CAMSAP2: variants seen among roughly 807,000 people sequenced by gnomAD.
CAMSAP2 encodes calmodulin-regulated spectrin-associated protein 2.
A neutral mutation model predicts 146.1 loss-of-function variants in CAMSAP2; 26 were observed. The ratio of observed to expected loss-of-function variants is 0.18; its 90% CI spans 0.13 to 0.25. The LOEUF (loss-of-function observed/expected upper bound fraction) is 0.25, where lower values mean the gene tolerates loss of function less well. Among genes scored for constraint, CAMSAP2 ranks in the 10% least tolerant of loss-of-function variants. The probability of loss-of-function intolerance (pLI) is 1.00; values close to 1 mark genes in which losing one functional copy is unlikely to be tolerated. For synonymous variants in CAMSAP2, 499 were observed against 596.6 expected (o/e 0.84, Z 2.38); for missense variants, 1,381 against 1,759.3 (o/e 0.78, Z 3.85).
At position 200,815,644 on chromosome 1, in the gene CAMSAP2, G is replaced by A; in HGVS notation, c.645G>A (p.Lys215=). The part of the protein sequence containing the change: ...HHTVEAPGGQ[K]ARYRKEQTLL... ...CAGTTGAAGCTCCAGGAGGTCAAAA[G>A]GTATTTATTTCAAAAACAAAAAGGT... The change falls in exon 4 of 17, where the codon AAG becomes AAA. Residue 215 remains lysine, a splice_region_variant and synonymous_variant. Coordinates refer to ENST00000358823, the MANE Select transcript of CAMSAP2 (RefSeq NM_203459.4). 6.5e-7 allele frequency: 1 copy of A among 1,541,304 alleles called. No homozygotes were observed. The highest frequency in any genetic ancestry group is 1.3e-5 in the South Asian group (1 of 76,798).
Position 200,836,542 on chromosome 1 carries a change from G to A in CAMSAP2, c.927+3697G>A, listed in dbSNP as rs1476448383. The stretch of plus-strand genomic sequence containing the variant: ...TGTCTTGGCTATTGTTAATAGTGCT[G>A]CAGTGAACATACACATGCATGTGTC... On this transcript the variant is annotated intron_variant, in intron 6 of 16. Coordinates refer to ENST00000358823, the MANE Select transcript of CAMSAP2 (RefSeq NM_203459.4). Among the ~76,000 whole-genome samples, 6 of 150,078 alleles carry A rather than the reference G, an allele frequency of 4.0e-5. No homozygotes were observed. The East Asian group carries it at 1.2e-3, about 29-fold the overall frequency.
intron 1 of CAMSAP2, among the ~76,000 whole-genome samples, chr1:200,756,377 C>G (rs1193616194): frequency 6.6e-6 from 1 of 151,738 alleles, no homozygotes; most frequent in Non-Finnish European, 1.5e-5. Flanking sequence ...TGCCCGAACC[C>G]AGGAGGTGGA....
intron 2 of CAMSAP2, among the ~76,000 whole-genome samples, chr1:200,794,791 C>T (rs1665841867): frequency 6.6e-6 from 1 of 152,194 alleles, no homozygotes; most frequent in Non-Finnish European, 1.5e-5. Context: ...ATCTGCATTT[C>T]CACATTGTAG....
chr1:200,742,196 T>C (rs1345604684), intron 1 of CAMSAP2, among the ~76,000 whole-genome samples: 6 of 152,244 alleles, frequency 3.9e-5, no homozygotes, highest in African/African-American at 1.4e-4. Flanking sequence ...CTTATTACTC[T>C]ATACCGTTCT....
intron 3 of CAMSAP2, among the ~76,000 whole-genome samples, chr1:200,810,845 C>T (rs1666310600): frequency 1.3e-5 from 2 of 152,078 alleles, no homozygotes; most frequent in African/African-American, 4.8e-5. Context: ...CTCGAGATTG[C>T]ACCACTGCAC....
intron 2 of CAMSAP2, among the ~76,000 whole-genome samples, chr1:200,788,939 A>G (rs994001436): frequency 6.6e-6 from 1 of 151,962 alleles, no homozygotes; most frequent in African/African-American, 2.4e-5. Flanking sequence ...GTCATGAGCT[A>G]CTGTGCCCGG....
rs1314724113 is a variant in CAMSAP2 at position 200,739,708 on chromosome 1, G to A, written c.-120G>A. On this transcript the variant is annotated 5_prime_UTR_variant, in exon 1 of 17. Transcript: ENST00000358823. This position sits in a 1 kb window ranked among gnomAD's most constrained non-coding sequence, Gnocchi z 4.8. The stretch of plus-strand genomic sequence containing the variant: ...GCTTCTCCTCCGTCGGCGCCCGGGC[G>A]GACATCGCCCGGGCCCCGATGGTTT... The A allele has an allele frequency of 3.1e-6, 3 of 962,356 alleles. No homozygotes were observed. Among genetic ancestry groups the A allele is most frequent in the African/African-American group, 1.7e-5 (1 of 57,876 alleles). 59.6% of individuals were successfully genotyped at this position (962,356 alleles called of 1,614,324 possible).
chr1:200,851,746 C>T (rs1443136979), intron 11 of CAMSAP2, among the ~76,000 whole-genome samples: 1 of 152,108 alleles, frequency 6.6e-6, no homozygotes, highest in Non-Finnish European at 1.5e-5. Flanking sequence ...TAATATCTGA[C>T]ACTATGTTGT....
At chr1:200,856,341 T>C (rs1238079651) in intron 15 of CAMSAP2, among the ~76,000 whole-genome samples, 1 of 152,232 alleles carries the variant, frequency 6.6e-6, no homozygotes, top group East Asian at 1.9e-4. Context: ...ATGCTGGCCA[T>C]TTCTGTGTGT....
At chr1:200,773,579 G>T (rs543949433) in intron 2 of CAMSAP2, among the ~76,000 whole-genome samples, 34 of 152,244 alleles carry the variant, frequency 2.2e-4, no homozygotes, top group Middle Eastern at 6.8e-3. Context: ...AAGATAAAAA[G>T]ATTTCTATGC....
At chr1:200,803,401 A>G (rs369399087) in intron 2 of CAMSAP2, among the ~76,000 whole-genome samples, 3 of 152,226 alleles carry the variant, frequency 2.0e-5, no homozygotes, top group South Asian at 4.1e-4. Context: ...ACAGTATGTG[A>G]CACTTAACAG....
chr1:200,796,881 C>T (rs1398122425), intron 2 of CAMSAP2, among the ~76,000 whole-genome samples: 3 of 150,926 alleles, frequency 2.0e-5, no homozygotes, highest in African/African-American at 7.3e-5. Flanking sequence ...TCCATGTGAT[C>T]TCATTGTTCA....
intron 4 of CAMSAP2, among the ~76,000 whole-genome samples, chr1:200,820,663 C>A (rs969307450): frequency 2.6e-5 from 4 of 152,086 alleles, no homozygotes; most frequent in African/African-American, 9.7e-5. Flanking sequence ...ACTTTTTTCT[C>A]CCTCAAATGC....
intron 2 of CAMSAP2, among the ~76,000 whole-genome samples, chr1:200,762,640 A>G (rs1254285954): frequency 3.3e-5 from 5 of 152,234 alleles, no homozygotes; most frequent in Non-Finnish European, 7.3e-5. Context: ...AGATACAGAT[A>G]TATATGTCAT....
chr1:200,777,946 A>G (rs1315174267), intron 2 of CAMSAP2, among the ~76,000 whole-genome samples: 1 of 152,118 alleles, frequency 6.6e-6, no homozygotes, highest in Non-Finnish European at 1.5e-5. Flanking sequence ...CTCCAGAAAA[A>G]AACTTGTGAG....
chr1:200,852,465 A>T (rs747235782), intron 11 of CAMSAP2, 76 bp from the exon 12 acceptor site: 105 of 1,519,900 alleles, frequency 6.9e-5, no homozygotes, highest in Non-Finnish European at 8.4e-5. Context: ...TAACCACAAA[A>T]TGTGACTACA....
intron 2 of CAMSAP2, among the ~76,000 whole-genome samples, chr1:200,796,661 G>A (rs930876959): frequency 1.4e-5 from 2 of 145,262 alleles, no homozygotes; most frequent in African/African-American, 2.6e-5. Flanking sequence ...CAGAGCATAA[G>A]TTTTTTTTTG....
intron 2 of CAMSAP2, among the ~76,000 whole-genome samples, chr1:200,780,634 G>T (rs923407852): frequency 6.6e-6 from 1 of 152,148 alleles, no homozygotes; most frequent in Admixed American, 6.6e-5. Context: ...TCTAAGGCAT[G>T]CTAATATGGT....
chr1:200,816,275 G>A (rs958586441), intron 4 of CAMSAP2, among the ~76,000 whole-genome samples: 11 of 139,936 alleles, frequency 7.9e-5, no homozygotes, highest in South Asian at 2.4e-4. Context: ...GGGACAGAGC[G>A]AGACTCCATC....
Sources: gnomAD v4.1 joint callset for allele counts (sites outside exome capture counted in the v4.1 genomes callset) on GRCh38, gnomAD v4.1.1 for gene constraint, Gnocchi (gnomAD v3.1) non-coding constraint, MANE v1.5 for transcripts, NCBI Gene and HGNC (gene_info 2026-07-23, HGNC 2026-07-21) for gene names.